NR1H4: variants seen among roughly 807,000 people sequenced by gnomAD.
NR1H4 encodes bile acid receptor.
In NR1H4, 23 loss-of-function variants were observed where a neutral mutation model predicts 58.5. That is an observed-to-expected ratio of 0.39 (90% CI 0.28 to 0.56). The LOEUF is 0.56. Ranked by LOEUF, NR1H4 falls within the 20% of genes least tolerant of loss-of-function variation. The pLI is 0.58. For missense variants in NR1H4, 487 were observed against 576.9 expected (o/e 0.84, Z 1.60); for synonymous variants, 214 against 198.0 (o/e 1.08, Z -0.68).
At chr12:100,548,508 T>C (rs1955132427) in intron 9 of NR1H4, among the ~76,000 whole-genome samples, 1 of 152,140 alleles carries the variant, frequency 6.6e-6, no homozygotes, top group African/African-American at 2.4e-5. Flanking sequence ...TTTCTCAGGG[T>C]GGTGGCTCAT....
chr12:100,494,523 G>A (rs1339941150), intron 3 of NR1H4, among the ~76,000 whole-genome samples: 7 of 152,316 alleles, frequency 4.6e-5, no homozygotes, highest in South Asian at 2.1e-4. Flanking sequence ...ATGTTGATCC[G>A]TAACTCTTAG....
At chr12:100,504,099 A>G (rs1953901611) in intron 3 of NR1H4, among the ~76,000 whole-genome samples, 2 of 152,210 alleles carry the variant, frequency 1.3e-5, no homozygotes, top group Non-Finnish European at 1.5e-5. Flanking sequence ...ACACGAATTA[A>G]TGAAGTAGTT....
intron 9 of NR1H4, among the ~76,000 whole-genome samples, chr12:100,555,730 G>A (rs1433411925): frequency 6.6e-6 from 1 of 152,166 alleles, no homozygotes; most frequent in African/African-American, 2.4e-5. Context: ...TTTCACAGAT[G>A]AGAAAATGAA....
chr12:100,511,096 G>A lies in NR1H4; in HGVS notation c.398G>A (p.Arg133Lys). 6.2e-7 allele frequency: 1 copy of A among 1,614,256 alleles called. No individual in the cohort carries two copies. The highest frequency in any genetic ancestry group is 8.5e-7 in the Non-Finnish European group (1 of 1,180,036). ...GAGCTGTGTGTTGTTTGTGGAGACAGAGCCTCTGGATACCACTATAATGCA... is the reference window on the plus strand; with the variant it reads ...GAGCTGTGTGTTGTTTGTGGAGACAAAGCCTCTGGATACCACTATAATGCA... ...GDELCVVCGD[R>K]ASGYHYNALT... Residue 133 changes from arginine to lysine, a missense_variant, in exon 4 of 11, where the codon AGA becomes AAA. Transcript: ENST00000392986.
At chr12:100,562,053 A>G (rs1004964531) in intron 10 of NR1H4, 55 bp downstream of exon 10, 9 of 847,730 alleles carry the variant, frequency 1.1e-5, no homozygotes, top group African/African-American at 1.7e-5. Flanking sequence ...TATACTAGTA[A>G]TAACGTTTAT....
intron 1 of NR1H4, among the ~76,000 whole-genome samples, chr12:100,484,940 A>C (rs1953459093): frequency 6.6e-6 from 1 of 152,196 alleles, no homozygotes; most frequent in Admixed American, 6.6e-5. Flanking sequence ...GCCCTGTATG[A>C]ACTTGTGTAT....
At chr12:100,498,976 G>A (rs1306530461) in intron 3 of NR1H4, among the ~76,000 whole-genome samples, 2 of 152,066 alleles carry the variant, frequency 1.3e-5, no homozygotes, top group Admixed American at 1.3e-4. Context: ...TGTCACCCAG[G>A]CTGGAGTGCA....
At chr12:100,561,864 G>A in intron 9 of NR1H4, 21 bp from the exon 10 acceptor site, 1 of 968,988 alleles carries the variant, frequency 1.0e-6, no homozygotes, top group Non-Finnish European at 1.7e-6. Context: ...ATTGTATTAT[G>A]ATTGCAACTT....
At chr12:100,479,107 C>A (rs972434720) in intron 1 of NR1H4, among the ~76,000 whole-genome samples, 30 of 151,964 alleles carry the variant, frequency 2.0e-4, no homozygotes, top group African/African-American at 6.5e-4. Context: ...TTATAGGAAT[C>A]GTTTATATAT....
intron 4 of NR1H4, among the ~76,000 whole-genome samples, chr12:100,518,792 T>C: frequency 6.9e-6 from 1 of 145,768 alleles, no homozygotes; most frequent in South Asian, 2.3e-4. Context: ...CAATGACTTT[T>C]TTTTTTTTTT....
At chr12:100,487,802 G>C (rs763669975) in intron 1 of NR1H4, among the ~76,000 whole-genome samples, 1 of 151,392 alleles carries the variant, frequency 6.6e-6, no homozygotes, top group Admixed American at 6.6e-5. Context: ...AGTAAAGACG[G>C]GGTTTCACCA....
intron 3 of NR1H4, chr12:100,500,077 T>A: frequency 2.6e-6 from 1 of 391,120 alleles, no homozygotes; most frequent in South Asian, 1.9e-5. Flanking sequence ...TATTTAGTGA[T>A]GTTAAATAAT....
At chr12:100,497,079 G>T (rs2136113259) in intron 3 of NR1H4, among the ~76,000 whole-genome samples, 1 of 152,254 alleles carries the variant, frequency 6.6e-6, no homozygotes, top group South Asian at 2.1e-4. Context: ...AAACCAAAGA[G>T]GTCAGTTGTC....
intron 9 of NR1H4, among the ~76,000 whole-genome samples, chr12:100,550,382 G>C (rs560317908): frequency 6.6e-6 from 1 of 151,822 alleles, no homozygotes; most frequent in East Asian, 1.9e-4. Flanking sequence ...GATTTTTTTT[G>C]AGACAAAGTT....
chr12:100,488,244 C>T lies in NR1H4; in HGVS notation c.-189-4259C>T, dbSNP rs923446062. 3.3e-5 allele frequency among the ~76,000 whole-genome samples: 5 copies of T among 152,190 alleles called. No individual in the cohort carries two copies. In the East Asian group the frequency reaches 5.8e-4, roughly 18 times the overall value. On this transcript the variant is annotated intron_variant, in intron 1 of 10. Coordinates refer to ENST00000392986, the MANE Select transcript of NR1H4 (RefSeq NM_001206979.2). ...TGAACTCCCGACCTCAAGTAATCCG[C>T]CCACCTCAGCCTCCCAAAGTGCTGG...
At chr12:100,562,225 T>C (rs947766848) in intron 10 of NR1H4, among the ~76,000 whole-genome samples, 1 of 152,210 alleles carries the variant, frequency 6.6e-6, no homozygotes, top group Non-Finnish European at 1.5e-5. Flanking sequence ...GAACACCTAC[T>C]ATGTACTAAC....
In NR1H4 at chr12:100,563,392, G is replaced by A. The variant is rs113553663; in HGVS notation, c.1334G>A (p.Arg445Gln). ...ACLLGRLTEL[R>Q]TFNHHHAEML... ...CTCCTGGGTCGCCTGACTGAATTACGGACATTCAATCATCACCACGCTGAG... is the reference window on the plus strand; with the variant it reads ...CTCCTGGGTCGCCTGACTGAATTACAGACATTCAATCATCACCACGCTGAG... The change falls in exon 11 of 11, where the codon CGG becomes CAG. Residue 445 changes from arginine to glutamine, a missense_variant. Coordinates refer to ENST00000392986, the MANE Select transcript of NR1H4 (RefSeq NM_001206979.2). 36 of 1,613,826 alleles carry A rather than the reference G, an allele frequency of 2.2e-5. No homozygotes were observed. The highest frequency in any genetic ancestry group is 1.8e-4 in the East Asian group (8 of 44,884).
intron 4 of NR1H4, among the ~76,000 whole-genome samples, chr12:100,517,850 A>G (rs746110837): frequency 6.6e-6 from 1 of 152,236 alleles, no homozygotes; most frequent in East Asian, 1.9e-4. Flanking sequence ...CCAAGTTTTC[A>G]TAGCTAATAA....
At chr12:100,516,462 GT>G (rs1954268177) in intron 4 of NR1H4, among the ~76,000 whole-genome samples, 1 of 151,932 alleles carries the variant, frequency 6.6e-6, no homozygotes, top group Admixed American at 6.6e-5. Context: ...CGCCTCCCGG[GT>G]TCACGCCATT....
Sources: allele counts gnomAD v4.1 joint callset (sites outside exome capture counted in the v4.1 genomes callset), GRCh38; gene constraint gnomAD v4.1.1; transcripts MANE v1.5; gene names NCBI Gene and HGNC (gene_info 2026-07-23, HGNC 2026-07-21).